XRRA1: variants seen among roughly 807,000 people sequenced by gnomAD.
XRRA1 encodes the protein X-ray radiation resistance associated 1, also known as X-ray radiation resistance-associated protein 1.
A neutral mutation model predicts 80.2 loss-of-function variants in XRRA1; 69 were observed. The observed-to-expected ratio is 0.86, with a 90% CI of 0.71 to 1.05. The LOEUF (loss-of-function observed/expected upper bound fraction) is 1.05. Ranked by LOEUF, XRRA1 falls within the 50% of genes least tolerant of loss-of-function variation. The pLI is 0.00. For synonymous variants in XRRA1, 348 were observed against 389.9 expected (o/e 0.89, Z 1.27); for missense variants, 967 against 976.4 (o/e 0.99, Z 0.13).
rs111642757 is a variant in XRRA1 at position 74,911,987 on chromosome 11, C to T, written c.657-4714G>A. ...ACCCTCAGGGTGAAATTAACCAAAACTAAACCTATTCTCCTTATCCCATAG... is the reference window on the plus strand; with the variant it reads ...ACCCTCAGGGTGAAATTAACCAAAATTAAACCTATTCTCCTTATCCCATAG... On this transcript the variant is annotated intron_variant, in intron 8 of 18. Transcript: ENST00000684022. Among the ~76,000 whole-genome samples, 218 of 152,282 alleles carry T rather than the reference C, an allele frequency of 1.4e-3. 1 individual carries two copies. Among genetic ancestry groups the T allele is most frequent in the Middle Eastern group, 0.01 (3 of 294 alleles).
chr11:74,872,986 G>A (rs560774602), intron 10 of XRRA1, among the ~76,000 whole-genome samples: 13 of 152,214 alleles, frequency 8.5e-5, no homozygotes, highest in Admixed American at 7.8e-4. Context: ...ATGCCTGAAA[G>A]TACCACTCCT....
intron 10 of XRRA1, among the ~76,000 whole-genome samples, chr11:74,891,800 C>A (rs1192435265): frequency 6.6e-6 from 1 of 152,156 alleles, no homozygotes; most frequent in Admixed American, 6.5e-5. Flanking sequence ...AACTCCCATT[C>A]ACAATTGCTT....
intron 4 of XRRA1, among the ~76,000 whole-genome samples, chr11:74,936,143 A>G (rs1944933117): frequency 1.3e-5 from 2 of 152,248 alleles, no homozygotes; most frequent in South Asian, 2.1e-4. Context: ...TTAGGGAGCT[A>G]TGAGAACTCG....
Position 74,843,863 on chromosome 11 carries a change from C to A in XRRA1, c.2140G>T (p.Ala714Ser). ...RLRDPRNITE[A>S]PLGAVLHQWT... is the part of the protein sequence containing the mutation. ...TGTGGCAGAGCCGTACCTAGTGGAG[C>A]CTCTGTAATGTTCCGGGGATCCCGC... Residue 714 changes from alanine to serine, a missense_variant, in exon 18 of 19, where the codon GCT (alanine) becomes TCT (serine). Coordinates refer to ENST00000684022, the MANE Select transcript of XRRA1 (RefSeq NM_001378157.1). 6.2e-7 allele frequency: 1 copy of A among 1,609,472 alleles called. No individual in the cohort carries two copies. The highest frequency in any genetic ancestry group is 8.5e-7 in the Non-Finnish European group (1 of 1,177,806).
chr11:74,853,059 C>T (rs2040261811), intron 12 of XRRA1, among the ~76,000 whole-genome samples: 1 of 152,152 alleles, frequency 6.6e-6, no homozygotes, highest in South Asian at 2.1e-4. Flanking sequence ...CTACCATGTC[C>T]CAGGCACTTT....
At position 74,843,880 on chromosome 11, in the gene XRRA1, G is replaced by A. The variant is rs2037189599; in HGVS notation, c.2123C>T (p.Pro708Leu). 1.2e-6 allele frequency: 2 copies of A among 1,612,066 alleles called. No homozygotes were observed. Among genetic ancestry groups the A allele is most frequent in the Non-Finnish European group, 1.7e-6 (2 of 1,179,178 alleles). Residue 708 changes from proline (P) to leucine (L), a missense_variant, in exon 18 of 19, where the codon CCC becomes CTC. Pro to Leu is a moderately conservative substitution (Grantham distance 98). Coordinates refer to ENST00000684022, the MANE Select transcript of XRRA1 (RefSeq NM_001378157.1). ...TAGTGGAGCCTCTGTAATGTTCCGG[G>A]GATCCCGCAAGCGAATGAAGATGTC... is the stretch of plus-strand genomic sequence containing the variant. Reference protein sequence around the residue: ...LDDIFIRLRDPRNITEAPLGA... With the variant: ...LDDIFIRLRDLRNITEAPLGA...
Position 74,949,002 on chromosome 11 carries a change from G to C in XRRA1, c.-147C>G. Reference sequence around the variant, plus strand: ...CCAGTCAGGAGGGATGCGCGCCTGCGAGCCCCCCGGGGATCTCGGAGCCGC... The same window carrying C: ...CCAGTCAGGAGGGATGCGCGCCTGCCAGCCCCCCGGGGATCTCGGAGCCGC... On this transcript the variant is annotated 5_prime_UTR_variant, in exon 1 of 19. Coordinates refer to ENST00000684022, the MANE Select transcript of XRRA1 (RefSeq NM_001378157.1). 1 of 307,028 alleles carries C rather than the reference G, an allele frequency of 3.3e-6. No homozygotes were observed. The highest frequency in any genetic ancestry group is 3.9e-5 in the South Asian group (1 of 25,354). The allele number at this position is 307,028 out of a possible 1,614,324, so 19.0% of individuals were successfully genotyped here.
At chr11:74,850,394 C>T (rs907538397) in intron 14 of XRRA1, among the ~76,000 whole-genome samples, 1 of 152,164 alleles carries the variant, frequency 6.6e-6, no homozygotes, top group African/African-American at 2.4e-5. Context: ...TTTCTGACTT[C>T]AAATGCTTGT....
chr11:74,879,957 T>C (rs2047097371), intron 10 of XRRA1, among the ~76,000 whole-genome samples: 1 of 152,118 alleles, frequency 6.6e-6, no homozygotes, highest in Non-Finnish European at 1.5e-5. Context: ...CTGGCTTTGG[T>C]ATCAGAATGA....
chr11:74,941,987 C>A (rs1311815839), intron 2 of XRRA1, among the ~76,000 whole-genome samples: 1 of 151,998 alleles, frequency 6.6e-6, no homozygotes, highest in East Asian at 1.9e-4. Context: ...GTGGTACATG[C>A]CTGTGGTCCC....
chr11:74,887,161 CAA>C (rs1206573636), intron 10 of XRRA1, among the ~76,000 whole-genome samples: 1 of 152,082 alleles, frequency 6.6e-6, no homozygotes, highest in African/African-American at 2.4e-5. Context: ...TAGGACTGGG[CAA>C]AGAGTCCATG....
chr11:74,843,424 G>A lies in XRRA1; in HGVS notation c.2179C>T (p.Arg727Trp), dbSNP rs951759657. 10 of 1,612,636 alleles carry A rather than the reference G, an allele frequency of 6.2e-6. No individual in the cohort carries two copies. The highest frequency in any genetic ancestry group is 3.3e-5 in the Admixed American group (2 of 59,872). The change falls in exon 19 of 19, where the codon CGG becomes TGG. Residue 727 changes from arginine (R) to tryptophan (W), a missense_variant. Physicochemically the swap from Arg to Trp is moderately radical, Grantham distance 101. Coordinates refer to ENST00000684022, the MANE Select transcript of XRRA1 (RefSeq NM_001378157.1). ...GAVLHQWTER[R>W]LVNHKQYLEA... ...AGGTACTGCTTGTGGTTCACCAGCC[G>A]CCGTTCTGTCCACTGGTGCAGGACA... is the stretch of plus-strand genomic sequence containing the variant.
rs920542899 is a variant in XRRA1, at chr11:74,859,096, C to G, written c.1170+62G>C. The stretch of plus-strand genomic sequence containing the variant: ...TGGAGGGTTGGTTTTTAGGCCAGAG[C>G]AACTTGCATCCCACCTTCCCATCTG... On this transcript the variant is annotated intron_variant, in intron 12 of 18. Coordinates refer to ENST00000684022, the MANE Select transcript of XRRA1 (RefSeq NM_001378157.1). The G allele has an allele frequency of 4.0e-6, 6 of 1,507,652 alleles. No homozygotes were observed. The African/African-American group carries it at 7.1e-5, about 18-fold the overall frequency. The allele number at this position is 1,507,652 out of a possible 1,614,324, so 93.4% of individuals were successfully genotyped here. A position where few individuals can be genotyped will look rare whatever the true frequency, so the allele number is the denominator to read the frequency against.
Position 74,870,132 on chromosome 11 carries a change from GC to G in XRRA1, c.1004-7112del, listed in dbSNP as rs536953610. Among the ~76,000 whole-genome samples, 86 of 152,310 alleles carry G rather than the reference GC, an allele frequency of 5.6e-4. 2 individuals carry two copies. The South Asian group carries it at 7.7e-3, about 14-fold the overall frequency. On this transcript the variant is annotated intron_variant, in intron 10 of 18. Transcript: ENST00000684022. ...TTCGGTGTCTGATGGCCACCTAGAT[GC>G]CCTTAGGGAATGCCACCCATCTCAA...
intron 7 of XRRA1, 25 bp downstream of exon 7, chr11:74,927,366 C>A (rs1234400519): frequency 4.0e-6 from 6 of 1,488,342 alleles, no homozygotes; most frequent in South Asian, 1.1e-5. Flanking sequence ...TGGTGGGCAC[C>A]AAAAACTCCC....
intron 10 of XRRA1, among the ~76,000 whole-genome samples, chr11:74,870,202 C>T (rs1270136546): frequency 1.3e-5 from 2 of 152,302 alleles, no homozygotes; most frequent in Admixed American, 1.3e-4. Flanking sequence ...GTGAATCCCT[C>T]GGTACCCTCA....
intron 1 of XRRA1, among the ~76,000 whole-genome samples, chr11:74,948,089 G>A (rs945691813): frequency 6.6e-6 from 1 of 152,196 alleles, no homozygotes; most frequent in Admixed American, 6.5e-5. Flanking sequence ...TATATCCCTG[G>A]TGACTAGAAT....
rs375588483 is a variant in XRRA1, at chr11:74,858,611, T to A, written c.1170+547A>T. On this transcript the variant is annotated intron_variant, in intron 12 of 18. Transcript: ENST00000684022. ...GGAAAAACATGTTAAATCTGTCCCT[T>A]ATCCTTTATATCTGCTGTTCCCCTT... is the stretch of plus-strand genomic sequence containing the variant. 3.9e-5 allele frequency among the ~76,000 whole-genome samples: 6 copies of A among 152,248 alleles called. No homozygotes were observed. The East Asian group carries it at 1.2e-3, about 29-fold the overall frequency.
At chr11:74,878,823 A>G (rs1321848375) in intron 10 of XRRA1, among the ~76,000 whole-genome samples, 2 of 151,406 alleles carry the variant, frequency 1.3e-5, no homozygotes, top group Non-Finnish European at 2.9e-5. Context: ...ATTGGTCTAT[A>G]TCTCTGTTTT....
Sources: gnomAD v4.1 joint callset for allele counts (sites outside exome capture counted in the v4.1 genomes callset) on GRCh38, gnomAD v4.1.1 for gene constraint, MANE v1.5 for transcripts, NCBI Gene and HGNC (gene_info 2026-07-23, HGNC 2026-07-21) for gene names.